Variants in KCNB2 observed in about 807,000 individuals in gnomAD.
The protein encoded by KCNB2 is potassium voltage-gated channel subfamily B member 2, also known as delayed rectifier potassium channel protein.
Under a neutral mutation model 61.5 loss-of-function variants are expected in KCNB2, and 15 were observed. The ratio of observed to expected loss-of-function variants is 0.24; its 90% CI spans 0.16 to 0.38. The LOEUF (loss-of-function observed/expected upper bound fraction) is 0.38, where lower values mean the gene tolerates loss of function less well. Ranked by LOEUF, KCNB2 falls within the 10% of genes least tolerant of loss-of-function variation. The probability of loss-of-function intolerance (pLI) is 1.00; values close to 1 mark genes in which losing one functional copy is unlikely to be tolerated. For synonymous variants in KCNB2, 457 were observed against 446.0 expected (o/e 1.02, Z -0.31); for missense variants, 828 against 1,125.2 (o/e 0.74, Z 3.78).
intron 2 of KCNB2, among the ~76,000 whole-genome samples, chr8:72,804,935 C>T (rs1809192791): frequency 6.6e-6 from 1 of 152,114 alleles, no homozygotes; most frequent in South Asian, 2.1e-4. Context: ...GTCTTTTGCT[C>T]CTTTGAGTAG....
chr8:72,706,082 C>G (rs577329426), intron 2 of KCNB2, among the ~76,000 whole-genome samples: 9 of 152,168 alleles, frequency 5.9e-5, no homozygotes, highest in Non-Finnish European at 1.3e-4. Flanking sequence ...AACAGCGACT[C>G]CCAGAGAAGG....
chr8:72,703,699 A>G (rs1405910617), intron 2 of KCNB2, among the ~76,000 whole-genome samples: 1 of 152,176 alleles, frequency 6.6e-6, no homozygotes, highest in African/African-American at 2.4e-5. Context: ...AGTGTCTACT[A>G]TAAAGAATAG....
At chr8:72,841,914 G>C (rs6472705) in intron 2 of KCNB2, among the ~76,000 whole-genome samples, 152,092 of 152,290 alleles carry the variant, frequency 1, 75,947 homozygotes, top group Middle Eastern at 1. Flanking sequence ...ATTTGAATAC[G>C]CTTTATTTCT....
intron 1 of KCNB2, among the ~76,000 whole-genome samples, chr8:72,547,646 G>C (rs973575233): frequency 5.3e-5 from 8 of 152,198 alleles, no homozygotes; most frequent in Non-Finnish European, 1.0e-4. Flanking sequence ...ATGAATTGCT[G>C]TGACCTCATA....
chr8:72,803,791 G>A (rs969574926), intron 2 of KCNB2, among the ~76,000 whole-genome samples: 4 of 152,194 alleles, frequency 2.6e-5, no homozygotes, highest in Non-Finnish European at 4.4e-5. Context: ...AAGCATGAAC[G>A]AGGGTTACAA....
At chr8:72,823,907 C>G (rs1220584149) in intron 2 of KCNB2, among the ~76,000 whole-genome samples, 1 of 152,152 alleles carries the variant, frequency 6.6e-6, no homozygotes, top group South Asian at 2.1e-4. Context: ...TCCATGAAAG[C>G]CTATACCAGT....
intron 2 of KCNB2, among the ~76,000 whole-genome samples, chr8:72,697,084 C>T (rs1232837144): frequency 6.6e-6 from 1 of 152,120 alleles, no homozygotes. Flanking sequence ...ATTATGCTGT[C>T]CTTTGCCATT....
chr8:72,895,999 A>G lies in KCNB2; in HGVS notation c.580-39936A>G, dbSNP rs147754633. Among the ~76,000 whole-genome samples the G allele has an allele frequency of 6.1e-4, 93 of 152,356 alleles. No individual in the cohort carries two copies. In the East Asian group the frequency reaches 0.015, roughly 24 times the overall value. On this transcript the variant is annotated intron_variant, in intron 2 of 2. Coordinates refer to ENST00000523207, the MANE Select transcript of KCNB2 (RefSeq NM_004770.3). ...TTACAGCTCATAAAATTTGCAAGGC[A>G]TAATATCCTTGAGCCTTTATTTTTT...
chr8:72,587,282 A>G (rs1192219923), intron 2 of KCNB2, among the ~76,000 whole-genome samples: 1 of 152,098 alleles, frequency 6.6e-6, no homozygotes, highest in African/African-American at 2.4e-5. Flanking sequence ...AAGCTTCTTG[A>G]AGACAGGGAG....
At chr8:72,858,924 A>G (rs1810249773) in intron 2 of KCNB2, among the ~76,000 whole-genome samples, 1 of 152,174 alleles carries the variant, frequency 6.6e-6, no homozygotes, top group African/African-American at 2.4e-5. Flanking sequence ...TGTGCCATTT[A>G]TGTCATGTAA....
intron 2 of KCNB2, among the ~76,000 whole-genome samples, chr8:72,738,530 G>A (rs13277104): frequency 0.41 from 62,888 of 152,004 alleles, 14,871 homozygotes; most frequent in Non-Finnish European, 0.56. Flanking sequence ...CAGTGTTTGC[G>A]TCTATCCTTC....
chr8:72,807,828 G>A (rs1306679318), intron 2 of KCNB2, among the ~76,000 whole-genome samples: 2 of 152,144 alleles, frequency 1.3e-5, no homozygotes, highest in African/African-American at 4.8e-5. Context: ...AGATAAAAAC[G>A]AGCACATGTA....
rs558183496 is a variant in KCNB2 at position 72,691,499 on chromosome 8, G to A, written c.579+123186G>A. Among the ~76,000 whole-genome samples, 44 of 152,120 alleles carry A rather than the reference G, an allele frequency of 2.9e-4. No individual in the cohort carries two copies. In the East Asian group the frequency reaches 4.4e-3, roughly 15 times the overall value. On this transcript the variant is annotated intron_variant, in intron 2 of 2. Coordinates refer to ENST00000523207, the MANE Select transcript of KCNB2 (RefSeq NM_004770.3). The stretch of plus-strand genomic sequence containing the variant: ...AATGTAACTGGTAGTTTTTTTTCAC[G>A]CATAATAAGCTAATCTGTTTGCTGT...
intron 2 of KCNB2, among the ~76,000 whole-genome samples, chr8:72,617,049 G>T (rs937233066): frequency 7.2e-5 from 11 of 152,204 alleles, no homozygotes; most frequent in African/African-American, 1.7e-4. Context: ...ATGCAAGCCA[G>T]TTCCAAGTAG....
intron 2 of KCNB2, among the ~76,000 whole-genome samples, chr8:72,612,520 T>C (rs373478638): frequency 2.0e-5 from 3 of 152,204 alleles, no homozygotes; most frequent in Admixed American, 6.5e-5. Flanking sequence ...TTTCCATCTC[T>C]TTAAGCAAAT....
chr8:72,705,060 A>G (rs1807198481), intron 2 of KCNB2, among the ~76,000 whole-genome samples: 2 of 152,118 alleles, frequency 1.3e-5, no homozygotes, highest in South Asian at 2.1e-4. Flanking sequence ...GGCTGACTGT[A>G]TGAAGCTGTG....
At chr8:72,642,802 C>T (rs376590461) in intron 2 of KCNB2, among the ~76,000 whole-genome samples, 1 of 152,228 alleles carries the variant, frequency 6.6e-6, no homozygotes, top group East Asian at 1.9e-4. Flanking sequence ...AAATTTCTTG[C>T]TTTGGTTTGT....
chr8:72,852,671 A>G (rs1474378894), intron 2 of KCNB2, among the ~76,000 whole-genome samples: 1 of 152,210 alleles, frequency 6.6e-6, no homozygotes, highest in Non-Finnish European at 1.5e-5. Flanking sequence ...ATAGAATCTG[A>G]TGGTTAATTT....
intron 2 of KCNB2, among the ~76,000 whole-genome samples, chr8:72,839,989 C>T (rs1166309322): frequency 1.3e-5 from 2 of 151,894 alleles, no homozygotes; most frequent in Admixed American, 6.6e-5. Context: ...TATACACTTG[C>T]CATGGTTGTT....
Sources: gnomAD v4.1 joint callset for allele counts (sites outside exome capture counted in the v4.1 genomes callset) on GRCh38, gnomAD v4.1.1 for gene constraint, MANE v1.5 for transcripts, NCBI Gene and HGNC (gene_info 2026-07-23, HGNC 2026-07-21) for gene names.